The following ATP8A1 variants were observed in gnomAD, a reference collection of about 807,000 sequenced individuals.
ATP8A1 encodes the protein phospholipid-transporting ATPase IA.
In ATP8A1, 90 loss-of-function variants were observed where a neutral mutation model predicts 177.7. The observed-to-expected ratio is 0.51, with a 90% CI of 0.43 to 0.60. ATP8A1 has a LOEUF of 0.60. Ranked by LOEUF, ATP8A1 falls within the 20% of genes least tolerant of loss-of-function variation. ATP8A1 has a pLI of 0.00. For missense variants in ATP8A1, 1,072 were observed against 1,392.8 expected (o/e 0.77, Z 3.67); for synonymous variants, 493 against 485.9 (o/e 1.01, Z -0.19).
intron 27 of ATP8A1, among the ~76,000 whole-genome samples, chr4:42,457,125 TAC>T (rs1199664551): frequency 2.0e-5 from 3 of 152,210 alleles, no homozygotes; most frequent in African/African-American, 7.2e-5. Flanking sequence ...CTGAAATTCT[TAC>T]TTGCTTTGCT....
intron 36 of ATP8A1, among the ~76,000 whole-genome samples, chr4:42,414,028 CTT>C (rs1712937839): frequency 6.6e-6 from 1 of 152,152 alleles, no homozygotes; most frequent in Admixed American, 6.6e-5. Flanking sequence ...GAAAAGGCCT[CTT>C]GAAGTATAAA....
chr4:42,559,135 A>G (rs2153214447), intron 15 of ATP8A1, among the ~76,000 whole-genome samples: 1 of 152,322 alleles, frequency 6.6e-6, no homozygotes, highest in Non-Finnish European at 1.5e-5. Context: ...GCAGCGAGCT[A>G]TGATGGTACC....
intron 35 of ATP8A1, among the ~76,000 whole-genome samples, chr4:42,418,740 A>C (rs1560302338): frequency 1.3e-5 from 2 of 152,208 alleles, no homozygotes; most frequent in Admixed American, 6.5e-5. Context: ...GAACATACTT[A>C]GATTGATTAA....
chr4:42,614,746 C>T (rs1736730568), intron 5 of ATP8A1, among the ~76,000 whole-genome samples: 1 of 152,162 alleles, frequency 6.6e-6, no homozygotes, highest in Non-Finnish European at 1.5e-5. Context: ...TGTGAATCTC[C>T]TTTCTGCGCC....
At chr4:42,419,913 G>A (rs1336185539) in intron 35 of ATP8A1, among the ~76,000 whole-genome samples, 1 of 152,100 alleles carries the variant, frequency 6.6e-6, no homozygotes, top group Non-Finnish European at 1.5e-5. Flanking sequence ...TGAGGCAGGA[G>A]AATGGTGTGA....
chr4:42,450,934 G>C (rs1353908815), intron 30 of ATP8A1, among the ~76,000 whole-genome samples: 1 of 152,222 alleles, frequency 6.6e-6, no homozygotes, highest in Admixed American at 6.5e-5. Flanking sequence ...ATAGAGCCTA[G>C]GAGCAGTGGG....
At chr4:42,579,709 C>T (rs1577633206) in intron 11 of ATP8A1, 104 bp downstream of exon 11, 1 of 1,045,834 alleles carries the variant, frequency 9.6e-7, no homozygotes, top group Non-Finnish European at 1.4e-6. Flanking sequence ...ATCTTGGCAA[C>T]AAGGTCTTTT....
intron 1 of ATP8A1, among the ~76,000 whole-genome samples, chr4:42,639,352 C>T (rs1475635327): frequency 2.6e-5 from 4 of 152,068 alleles, no homozygotes; most frequent in African/African-American, 7.2e-5. Context: ...GATTTTTCCC[C>T]CTTTCATCTG....
At chr4:42,479,284 T>G (rs1721411380) in intron 25 of ATP8A1, among the ~76,000 whole-genome samples, 1 of 152,216 alleles carries the variant, frequency 6.6e-6, no homozygotes, top group Non-Finnish European at 1.5e-5. Flanking sequence ...CTACAGATAC[T>G]TACTATCTGT....
intron 20 of ATP8A1, among the ~76,000 whole-genome samples, chr4:42,538,374 C>A (rs1199612120): frequency 6.6e-6 from 1 of 152,070 alleles, no homozygotes; most frequent in East Asian, 1.9e-4. Context: ...ACTTCATGAC[C>A]AAGATCCCAA....
At chr4:42,440,845 C>T (rs1039333705) in intron 33 of ATP8A1, among the ~76,000 whole-genome samples, 2 of 152,190 alleles carry the variant, frequency 1.3e-5, no homozygotes, top group African/African-American at 4.8e-5. Context: ...TATTCTCTGT[C>T]TGCTCCACCT....
intron 5 of ATP8A1, among the ~76,000 whole-genome samples, chr4:42,615,665 C>T (rs1736833399): frequency 6.6e-6 from 1 of 152,174 alleles, no homozygotes; most frequent in Admixed American, 6.5e-5. Context: ...ACTCAAGTGA[C>T]ATCACATGTG....
chr4:42,468,281 T>G (rs1475160553), intron 25 of ATP8A1, among the ~76,000 whole-genome samples: 1 of 152,166 alleles, frequency 6.6e-6, no homozygotes, highest in African/African-American at 2.4e-5. Context: ...GGGACATGCA[T>G]GTTTATAGCA....
At chr4:42,623,230 T>A (rs1395169210) in intron 4 of ATP8A1, among the ~76,000 whole-genome samples, 1 of 152,118 alleles carries the variant, frequency 6.6e-6, no homozygotes, top group Non-Finnish European at 1.5e-5. Context: ...AAAAGGAACA[T>A]TTATACACTG....
In ATP8A1 at chr4:42,414,707, C is replaced by A; in HGVS notation, c.3317G>T (p.Arg1106Met). The A allele has an allele frequency of 6.2e-7, 1 of 1,613,786 alleles. No homozygotes were observed. Among genetic ancestry groups the A allele is most frequent in the Non-Finnish European group, 8.5e-7 (1 of 1,179,784 alleles). The part of the protein sequence containing the change: ...AVVLGKSLTE[R>M]AQLLKNVFKK... The stretch of plus-strand genomic sequence containing the variant: ...AAAGACGTTCTTGAGCAGTTGCGCC[C>A]TCTCGGTCAGGCTGCAGAGCAGGTG... Residue 1106 changes from arginine to methionine, a missense_variant, in exon 36 of 37, where the codon AGG (arginine) becomes ATG (methionine). Transcript: ENST00000381668.
intron 16 of ATP8A1, 96 bp from the exon 17 acceptor site, chr4:42,552,706 G>A (rs1186163621): frequency 2.3e-6 from 2 of 879,518 alleles, no homozygotes; most frequent in African/African-American, 1.7e-5. Flanking sequence ...CATAGTTGTT[G>A]GCCAGACATG....
intron 33 of ATP8A1, among the ~76,000 whole-genome samples, chr4:42,429,768 T>C (rs1715056973): frequency 6.6e-6 from 1 of 152,228 alleles, no homozygotes; most frequent in African/African-American, 2.4e-5. Flanking sequence ...ATGTGGCATA[T>C]CCATACAATG....
intron 20 of ATP8A1, among the ~76,000 whole-genome samples, chr4:42,540,252 T>C (rs1456756869): frequency 3.3e-5 from 5 of 152,122 alleles, no homozygotes; most frequent in South Asian, 4.1e-4. Context: ...CCAGTCAGAA[T>C]GGCTATTATC....
intron 1 of ATP8A1, among the ~76,000 whole-genome samples, chr4:42,641,514 T>A (rs6814890): frequency 0.34 from 51,755 of 151,726 alleles, 9,565 homozygotes; most frequent in African/African-American, 0.49. Context: ...TTTTTTTTTT[T>A]AAGACAACTA....
Sources: allele counts gnomAD v4.1 joint callset (sites outside exome capture counted in the v4.1 genomes callset), GRCh38; gene constraint gnomAD v4.1.1; transcripts MANE v1.5; gene names NCBI Gene and HGNC (gene_info 2026-07-23, HGNC 2026-07-21).